ZFHX3: variants seen among roughly 807,000 people sequenced by gnomAD.
The protein encoded by ZFHX3 is zinc finger homeobox 3, also known as zinc finger homeobox protein 3.
In ZFHX3, 42 loss-of-function variants were observed where a neutral mutation model predicts 279.1. The ratio of observed to expected loss-of-function variants is 0.15; its 90% confidence interval spans 0.12 to 0.19. ZFHX3 has a LOEUF of 0.19. ZFHX3 is among the 10% of genes least tolerant of loss of function. ZFHX3 has a pLI of 1.00. For synonymous variants in ZFHX3, 2,293 were observed against 1,957.8 expected, an observed-to-expected ratio of 1.17 and a Z score of -4.52; for missense variants, 4,981 against 4,754.0, an observed-to-expected ratio of 1.05 and a Z score of -1.40.
At position 73,177,474 on chromosome 16, in the gene ZFHX3, C is replaced by T. The variant is rs75666901; in HGVS notation, c.-1103-33643G>A. The stretch of plus-strand genomic sequence containing the variant: ...TTTAGAGATTACTTTTCTTTGGAAG[C>T]GTATGAAACATTATGTGCACAGCAT... On this transcript the variant is annotated intron_variant, in intron 5 of 17. Transcript: ENST00000641206. Among the ~76,000 whole-genome samples, 710 of 152,282 alleles carry T rather than the reference C, an allele frequency of 4.7e-3. 7 individuals carry two copies. The highest frequency in any genetic ancestry group is 0.016 in the African/African-American group (680 of 41,548).
At chr16:73,539,430 CTTCTTTTTT>C (rs2019970624) in intron 2 of ZFHX3, among the ~76,000 whole-genome samples, 2 of 80,104 alleles carry the variant, frequency 2.5e-5, no homozygotes, top group African/African-American at 1.1e-4. Context: ...CCTTCCTCTT[CTTCTTTTTT>C]TTTTTTTTTT....
chr16:73,836,395 G>T (rs1475304957), intron 1 of ZFHX3, among the ~76,000 whole-genome samples: 4 of 151,972 alleles, frequency 2.6e-5, no homozygotes, highest in Admixed American at 2.0e-4. Context: ...TACCGAAATG[G>T]GTTATTTAAC....
intron 1 of ZFHX3, among the ~76,000 whole-genome samples, chr16:73,732,218 C>T (rs151097633): frequency 5.9e-5 from 9 of 152,170 alleles, no homozygotes; most frequent in Admixed American, 5.2e-4. Flanking sequence ...AGGTTGACTC[C>T]GAATTTCAAC....
rs201366558 is a variant in ZFHX3, at chr16:73,296,877, ATTTTT to A, written c.-1194+21358_-1194+21362del. Reference sequence around the variant, plus strand: ...TTTATAATTGCCATGTGAAGCAGGAATTTTTTTTTTTTTTTTTTTGAGACGGAGTC... The same window carrying A: ...TTTATAATTGCCATGTGAAGCAGGAATTTTTTTTTTTTTTGAGACGGAGTC... On this transcript the variant is annotated intron_variant, in intron 4 of 17. Transcript: ENST00000641206. Among the ~76,000 whole-genome samples the A allele has an allele frequency of 7.8e-5, 9 of 116,082 alleles. 1 individual carries two copies. The highest frequency in any genetic ancestry group is 2.8e-4 in the South Asian group (1 of 3,548). The allele number at this position is 116,082 out of a possible 152,430, so 76.2% of individuals were successfully genotyped here. A position where few individuals can be genotyped will look rare whatever the true frequency, so the allele number is the denominator to read the frequency against.
intron 2 of ZFHX3, among the ~76,000 whole-genome samples, chr16:73,477,010 A>G (rs1417434236): frequency 6.6e-6 from 1 of 152,248 alleles, no homozygotes; most frequent in African/African-American, 2.4e-5. Flanking sequence ...CTCAAATGCC[A>G]ATACATTAAG....
At chr16:73,014,398 C>T (rs1379774972) in intron 1 of ZFHX3, 4 of 151,394 alleles carry the variant, frequency 2.6e-5, no homozygotes, top group Non-Finnish European at 5.9e-5. Flanking sequence ...ATTCTATGCA[C>T]ACATCGCAGT....
intron 1 of ZFHX3, among the ~76,000 whole-genome samples, chr16:73,841,548 G>A (rs1961309049): frequency 6.6e-6 from 1 of 152,074 alleles, no homozygotes; most frequent in Non-Finnish European, 1.5e-5. Context: ...AGTGACAGCA[G>A]GGCACCTAGC....
intron 3 of ZFHX3, among the ~76,000 whole-genome samples, chr16:73,333,556 G>C (rs1424506292): frequency 6.6e-6 from 1 of 152,116 alleles, no homozygotes; most frequent in Non-Finnish European, 1.5e-5. Flanking sequence ...TAATCTTGTT[G>C]AAGAGCTATT....
chr16:72,937,649 G>A (rs1034999287), intron 3 of ZFHX3, among the ~76,000 whole-genome samples: 5 of 152,058 alleles, frequency 3.3e-5, no homozygotes, highest in East Asian at 1.9e-4. Context: ...CAGGGCCACC[G>A]CCATGCTACA....
chr16:73,443,503 GT>G (rs530634125), intron 3 of ZFHX3, among the ~76,000 whole-genome samples: 4 of 152,156 alleles, frequency 2.6e-5, no homozygotes, highest in African/African-American at 4.8e-5. Flanking sequence ...GAGATCCACG[GT>G]GATCATTTAT....
At chr16:73,602,337 C>T (rs2052127276) in intron 2 of ZFHX3, among the ~76,000 whole-genome samples, 1 of 152,146 alleles carries the variant, frequency 6.6e-6, no homozygotes, top group African/African-American at 2.4e-5. Context: ...GTGCTGAGAC[C>T]GTATGAATAC....
At chr16:73,804,696 G>C (rs1960227488) in intron 1 of ZFHX3, among the ~76,000 whole-genome samples, 1 of 151,992 alleles carries the variant, frequency 6.6e-6, no homozygotes, top group Non-Finnish European at 1.5e-5. Context: ...CACAATGCCT[G>C]GACCCACCTG....
intron 2 of ZFHX3, among the ~76,000 whole-genome samples, chr16:73,523,394 C>T (rs988770194): frequency 6.6e-6 from 1 of 152,166 alleles, no homozygotes; most frequent in African/African-American, 2.4e-5. Flanking sequence ...GCTCTGCTGA[C>T]AGCATGTGAT....
At chr16:72,825,941 C>A (rs552328244) in intron 5 of ZFHX3, among the ~76,000 whole-genome samples, 2 of 152,300 alleles carry the variant, frequency 1.3e-5, no homozygotes, top group Non-Finnish European at 2.9e-5. Context: ...TTCCATTCGA[C>A]AGCACTGATC....
intron 1 of ZFHX3, among the ~76,000 whole-genome samples, chr16:73,000,218 C>T (rs1487832868): frequency 6.6e-6 from 1 of 152,168 alleles, no homozygotes; most frequent in East Asian, 1.9e-4. Flanking sequence ...GGTCCCTCGA[C>T]CTGTCCCCAG....
chr16:73,043,357 C>A (rs752953836), intron 1 of ZFHX3, among the ~76,000 whole-genome samples: 10 of 152,220 alleles, frequency 6.6e-5, no homozygotes, highest in Non-Finnish European at 1.0e-4. Context: ...GCTAAGAGGC[C>A]CGGGCTGGAG....
At chr16:72,850,650 G>T (rs566278463) in intron 4 of ZFHX3, among the ~76,000 whole-genome samples, 2 of 100 alleles carry the variant, frequency 0.02, no homozygotes, top group East Asian at 0.14. Context: ...CAAAGAGGCC[G>T]GGCTCGCCAG....
At chr16:73,594,640 T>C (rs1045760596) in intron 2 of ZFHX3, among the ~76,000 whole-genome samples, 4 of 152,146 alleles carry the variant, frequency 2.6e-5, no homozygotes, top group African/African-American at 9.7e-5. Flanking sequence ...GAGCTCTAGA[T>C]AGGTAACAGA....
intron 1 of ZFHX3, among the ~76,000 whole-genome samples, chr16:73,739,667 G>A (rs75487608): frequency 0.051 from 7,744 of 152,122 alleles, 664 homozygotes; most frequent in African/African-American, 0.18. Flanking sequence ...GACTATCAGG[G>A]ACTCCCAAAA....
Sources: allele counts gnomAD v4.1 joint callset (sites outside exome capture counted in the v4.1 genomes callset), GRCh38; gene constraint gnomAD v4.1.1; transcripts MANE v1.5; gene names NCBI Gene and HGNC (gene_info 2026-07-23, HGNC 2026-07-21).